RIC8B: variants seen among roughly 807,000 people sequenced by gnomAD.
The protein encoded by RIC8B is chaperone Ric-8B.
RIC8B carries 16 observed loss-of-function variants against 57.5 expected under a neutral mutation model. That is an observed-to-expected ratio of 0.28 (90% CI 0.19 to 0.42). The LOEUF (loss-of-function observed/expected upper bound fraction) is 0.42. RIC8B is among the 10% of genes least tolerant of loss of function. The pLI, the probability that RIC8B is intolerant of heterozygous loss-of-function variation, is 1.00. For missense variants in RIC8B, 481 were observed against 677.0 expected, an observed-to-expected ratio of 0.71 and a Z score of 3.21; for synonymous variants, 216 against 250.8, an observed-to-expected ratio of 0.86 and a Z score of 1.31.
intron 6 of RIC8B, among the ~76,000 whole-genome samples, chr12:106,846,102 A>G (rs1280033669): frequency 2.0e-5 from 3 of 152,124 alleles, no homozygotes; most frequent in Non-Finnish European, 4.4e-5. Flanking sequence ...AATCATCCAT[A>G]TATGCTGATG....
chr12:106,848,352 C>A (rs759708160), intron 6 of RIC8B, among the ~76,000 whole-genome samples: 2 of 152,212 alleles, frequency 1.3e-5, no homozygotes, highest in Admixed American at 6.5e-5. Flanking sequence ...GAATCCTGTA[C>A]GGAAGTTGTA....
intron 2 of RIC8B, among the ~76,000 whole-genome samples, chr12:106,813,164 T>TA (rs2045412387): frequency 1.3e-5 from 2 of 150,872 alleles, no homozygotes; most frequent in Admixed American, 6.6e-5. Context: ...AAGAAGTGCA[T>TA]AGGTTATATG....
chr12:106,775,004 C>G (rs2136123265), intron 1 of RIC8B, 175 bp downstream of exon 1: 2 of 592,830 alleles, frequency 3.4e-6, no homozygotes, highest in Non-Finnish European at 6.1e-6. Flanking sequence ...TCCATGCATC[C>G]TGCATCCCAC....
intron 3 of RIC8B, among the ~76,000 whole-genome samples, chr12:106,817,883 C>T (rs1317997255): frequency 6.6e-6 from 1 of 150,958 alleles, no homozygotes; most frequent in Non-Finnish European, 1.5e-5. Context: ...ACTAAGAGCC[C>T]ATTTACCTGG....
chr12:106,789,246 A>G (rs917375319), intron 2 of RIC8B, among the ~76,000 whole-genome samples: 1 of 152,158 alleles, frequency 6.6e-6, no homozygotes, highest in African/African-American at 2.4e-5. Context: ...TCTTATCACT[A>G]TCAGCATTTT....
Position 106,887,368 on chromosome 12 carries a change from A to C in RIC8B, c.*1353A>C, listed in dbSNP as rs1363022882. ...GTTTATGCTTTTTTAAAGTGCTTTT[A>C]CATCCATGGTCCCACTTCTAATAGC... On this transcript the variant is annotated 3_prime_UTR_variant, in exon 10 of 10. Transcript: ENST00000392837. The C allele has an allele frequency of 6.6e-6, 1 of 152,546 alleles. No individual in the cohort carries two copies. The highest frequency in any genetic ancestry group is 1.5e-5 in the Non-Finnish European group (1 of 68,028). 9.4% of individuals were successfully genotyped at this position (152,546 alleles called of 1,614,324 possible). A position where few individuals can be genotyped will look rare whatever the true frequency, so the allele number is the denominator to read the frequency against.
At chr12:106,828,816 A>G (rs1465659880) in intron 4 of RIC8B, among the ~76,000 whole-genome samples, 3 of 152,196 alleles carry the variant, frequency 2.0e-5, no homozygotes, top group Non-Finnish European at 4.4e-5. Flanking sequence ...TGATTTTGAT[A>G]CGCTGTTTAG....
intron 8 of RIC8B, among the ~76,000 whole-genome samples, chr12:106,866,723 G>T (rs1471715600): frequency 6.6e-6 from 1 of 152,088 alleles, no homozygotes; most frequent in African/African-American, 2.4e-5. Context: ...GCAACATTTA[G>T]AATTCAGATA....
intron 4 of RIC8B, 151 bp downstream of exon 4, chr12:106,825,971 T>G: frequency 1.7e-6 from 1 of 601,176 alleles, no homozygotes; most frequent in Admixed American, 2.6e-5. Flanking sequence ...ATCATGGAAA[T>G]CATTACTATG....
At chr12:106,782,990 G>A (rs1211065557) in intron 1 of RIC8B, among the ~76,000 whole-genome samples, 1 of 152,174 alleles carries the variant, frequency 6.6e-6, no homozygotes, top group Non-Finnish European at 1.5e-5. Flanking sequence ...AACTTCAGAG[G>A]AGAATGAGGA....
chr12:106,814,451 A>G (rs1398495783), intron 2 of RIC8B, among the ~76,000 whole-genome samples: 1 of 152,226 alleles, frequency 6.6e-6, no homozygotes, highest in Admixed American at 6.5e-5. Flanking sequence ...CTGGACAAAT[A>G]TGAACCAATT....
chr12:106,854,009 A>G (rs1252435911), intron 7 of RIC8B, among the ~76,000 whole-genome samples: 16 of 152,206 alleles, frequency 1.1e-4, no homozygotes, highest in Admixed American at 1.0e-3. Context: ...TAAGATGAAC[A>G]AATGAAAGCT....
At chr12:106,847,368 T>G (rs1949246485) in intron 6 of RIC8B, among the ~76,000 whole-genome samples, 1 of 152,202 alleles carries the variant, frequency 6.6e-6, no homozygotes, top group Admixed American at 6.5e-5. Flanking sequence ...CCTTTGTTCA[T>G]AGATTCTGTA....
In RIC8B at chr12:106,879,456, T is replaced by C; in HGVS notation, c.1572-6448T>C. 5.1e-6 allele frequency: 5 copies of C among 985,138 alleles called. No homozygotes were observed. The highest frequency in any genetic ancestry group is 6.0e-6 in the Non-Finnish European group (5 of 829,872). 61.0% of individuals were successfully genotyped at this position (985,138 alleles called of 1,614,324 possible). On this transcript the variant is annotated intron_variant, in intron 9 of 9. Coordinates refer to ENST00000392837, the MANE Select transcript of RIC8B (RefSeq NM_001330145.2). This position sits in a 1 kb window ranked among gnomAD's most constrained non-coding sequence, Gnocchi z 4.9. ...GAACCTTCTCTAAGGTGCTGAGAAG[T>C]CATATAAGCCCAGGCATCCTAGAGT...
chr12:106,844,953 C>A (rs1949119509), intron 6 of RIC8B, among the ~76,000 whole-genome samples: 1 of 152,116 alleles, frequency 6.6e-6, no homozygotes, highest in African/African-American at 2.4e-5. Flanking sequence ...ATTTCAAGCA[C>A]CTTCTCTTAT....
intron 4 of RIC8B, among the ~76,000 whole-genome samples, chr12:106,835,758 G>T (rs551329399): frequency 6.6e-6 from 1 of 152,194 alleles, no homozygotes; most frequent in East Asian, 1.9e-4. Flanking sequence ...AATGTTCTAG[G>T]CAGGAGAAAA....
chr12:106,871,494 A>AAAAAAG (rs1950419022), intron 9 of RIC8B: 1 of 116,576 alleles, frequency 8.6e-6, no homozygotes, highest in East Asian at 2.0e-4. Flanking sequence ...AAAAAAAAAA[A>AAAAAAG]AAAACCAAAA....
chr12:106,840,821 T>C (rs986239936), intron 4 of RIC8B, among the ~76,000 whole-genome samples: 8 of 152,186 alleles, frequency 5.3e-5, no homozygotes, highest in African/African-American at 1.9e-4. Context: ...TCTGAAACTT[T>C]TCAATCTGGT....
At chr12:106,822,969 G>A (rs1239833490) in intron 3 of RIC8B, 1 of 153,696 alleles carries the variant, frequency 6.5e-6, no homozygotes, top group Admixed American at 6.4e-5. Context: ...ATTTGTAGGG[G>A]GTATGGAAAG....
Sources: allele counts gnomAD v4.1 joint callset (sites outside exome capture counted in the v4.1 genomes callset), GRCh38; gene constraint gnomAD v4.1.1; non-coding constraint Gnocchi (gnomAD v3.1); transcripts MANE v1.5; gene names NCBI Gene and HGNC (gene_info 2026-07-23, HGNC 2026-07-21).